LRMDA: variants seen among roughly 807,000 people sequenced by gnomAD.
LRMDA encodes leucine-rich melanocyte differentiation-associated protein.
Under a neutral mutation model 29.8 loss-of-function variants are expected in LRMDA, and 18 were observed. The observed-to-expected ratio is 0.60, with a 90% CI of 0.42 to 0.90. The LOEUF is 0.90. Ranked by LOEUF, LRMDA falls within the 40% of genes least tolerant of loss-of-function variation. The pLI is 0.00. For synonymous variants in LRMDA, 125 were observed against 109.4 expected (o/e 1.14, Z -0.89); for missense variants, 273 against 273.9 (o/e 1.00, Z 0.02).
At chr10:75,833,416 T>C (rs767823224) in intron 2 of LRMDA, among the ~76,000 whole-genome samples, 8 of 148,308 alleles carry the variant, frequency 5.4e-5, no homozygotes, top group Non-Finnish European at 1.0e-4. Context: ...ATAAGTAAGA[T>C]TATCAGTGAT....
At chr10:75,878,412 T>G (rs1253906232) in intron 2 of LRMDA, among the ~76,000 whole-genome samples, 2 of 151,670 alleles carry the variant, frequency 1.3e-5, no homozygotes, top group Non-Finnish European at 2.9e-5. Context: ...TCCCCTGGGG[T>G]AGGGCCACCC....
intron 6 of LRMDA, among the ~76,000 whole-genome samples, chr10:76,431,481 G>A (rs1842190292): frequency 6.6e-6 from 1 of 152,084 alleles, no homozygotes; most frequent in African/African-American, 2.4e-5. Flanking sequence ...CAAATTCTGG[G>A]GCTTGAGAAA....
intron 5 of LRMDA, among the ~76,000 whole-genome samples, chr10:76,291,310 T>C (rs540819179): frequency 6.6e-6 from 1 of 152,328 alleles, no homozygotes; most frequent in African/African-American, 2.4e-5. Context: ...ATCTGGGATA[T>C]TGTGATGAAC....
At chr10:75,842,260 G>A (rs1844554116) in intron 2 of LRMDA, among the ~76,000 whole-genome samples, 1 of 152,270 alleles carries the variant, frequency 6.6e-6, no homozygotes. Flanking sequence ...TAAATTCTGT[G>A]CTTCTCATTA....
chr10:75,632,861 A>G (rs1393384127), intron 2 of LRMDA, among the ~76,000 whole-genome samples: 4 of 133,446 alleles, frequency 3.0e-5, no homozygotes, highest in East Asian at 2.2e-4. Flanking sequence ...GTCTGCCCCA[A>G]GATGTCTGGT....
intron 5 of LRMDA, among the ~76,000 whole-genome samples, chr10:76,254,304 C>CTATA (rs1376509932): frequency 0.013 from 1,750 of 139,738 alleles, 45 homozygotes; most frequent in African/African-American, 0.051. Flanking sequence ...CTATACTATA[C>CTATA]CATACCATAC....
intron 6 of LRMDA, among the ~76,000 whole-genome samples, chr10:76,457,738 C>T (rs1195809555): frequency 2.0e-5 from 3 of 152,046 alleles, no homozygotes; most frequent in Non-Finnish European, 4.4e-5. Flanking sequence ...ATAGAAACAA[C>T]AAGGTTACGT....
chr10:76,134,214 G>T (rs1043942502), intron 5 of LRMDA, among the ~76,000 whole-genome samples: 5 of 152,206 alleles, frequency 3.3e-5, no homozygotes, highest in African/African-American at 1.2e-4. Context: ...AGAATTTCGG[G>T]GGGAGCTGCC....
intron 6 of LRMDA, among the ~76,000 whole-genome samples, chr10:76,464,379 G>A (rs1400458838): frequency 2.0e-5 from 3 of 152,150 alleles, no homozygotes; most frequent in Non-Finnish European, 4.4e-5. Context: ...AGTGGCGAGA[G>A]ACTAGAATGG....
At chr10:75,771,321 C>A (rs1264114423) in intron 2 of LRMDA, among the ~76,000 whole-genome samples, 1 of 151,474 alleles carries the variant, frequency 6.6e-6, no homozygotes, top group African/African-American at 2.4e-5. Flanking sequence ...GCCAAGAGTT[C>A]TTTAACACCT....
chr10:76,358,281 A>G (rs1201774379), intron 6 of LRMDA, among the ~76,000 whole-genome samples: 3 of 152,234 alleles, frequency 2.0e-5, no homozygotes, highest in African/African-American at 7.2e-5. Context: ...TCTTTTGGAA[A>G]TAACATGATT....
At chr10:76,512,516 A>C (rs1442264723) in intron 6 of LRMDA, among the ~76,000 whole-genome samples, 1 of 152,222 alleles carries the variant, frequency 6.6e-6, no homozygotes, top group East Asian at 1.9e-4. Context: ...AGGCAACAGA[A>C]TATGCCTGTA....
chr10:75,557,811 T>C (rs534878499), intron 2 of LRMDA, among the ~76,000 whole-genome samples: 4 of 152,320 alleles, frequency 2.6e-5, no homozygotes, highest in East Asian at 1.9e-4. Flanking sequence ...AGCTAGATAA[T>C]GTATACAGCT....
rs1444545218 is a variant in LRMDA at position 75,937,933 on chromosome 10, C to T, written c.132-98075C>T. Among the ~76,000 whole-genome samples, 8 of 152,054 alleles carry T rather than the reference C, an allele frequency of 5.3e-5. No individual in the cohort carries two copies. In the East Asian group the frequency reaches 1.3e-3, roughly 26 times the overall value. On this transcript the variant is annotated intron_variant, in intron 2 of 6. Coordinates refer to ENST00000611255, the MANE Select transcript of LRMDA (RefSeq NM_001305581.2). ...TCTTTTAGCTGTCTGTCTATTGGGG[C>T]GATTAATTGCAGTGTCATTAAAGTT...
chr10:76,554,591 A>G (rs772623796), intron 6 of LRMDA, among the ~76,000 whole-genome samples: 1 of 152,210 alleles, frequency 6.6e-6, no homozygotes, highest in Non-Finnish European at 1.5e-5. Flanking sequence ...GGATGTCTAT[A>G]AACATTCTTG....
chr10:75,856,906 A>G (rs1428241278), intron 2 of LRMDA, among the ~76,000 whole-genome samples: 1 of 152,224 alleles, frequency 6.6e-6, no homozygotes, highest in Non-Finnish European at 1.5e-5. Flanking sequence ...CTGTTTGCAG[A>G]TGACATGATT....
chr10:76,525,780 CTG>C (rs1843169106), intron 6 of LRMDA, among the ~76,000 whole-genome samples: 1 of 152,110 alleles, frequency 6.6e-6, no homozygotes, highest in Non-Finnish European at 1.5e-5. Flanking sequence ...GAGGCAAAAA[CTG>C]ATGTCAAGAG....
chr10:76,050,479 C>G (rs918151746), intron 4 of LRMDA, among the ~76,000 whole-genome samples: 2 of 152,234 alleles, frequency 1.3e-5, no homozygotes, highest in South Asian at 4.1e-4. Flanking sequence ...TGGGGTTTCT[C>G]TTTGCCATTC....
At chr10:75,914,689 CTT>C (rs1429321996) in intron 2 of LRMDA, among the ~76,000 whole-genome samples, 1 of 152,186 alleles carries the variant, frequency 6.6e-6, no homozygotes, top group African/African-American at 2.4e-5. Context: ...TAACCTCTCT[CTT>C]ATCCTTCTTC....
Sources: gnomAD v4.1 joint callset for allele counts (sites outside exome capture counted in the v4.1 genomes callset) on GRCh38, gnomAD v4.1.1 for gene constraint, MANE v1.5 for transcripts, NCBI Gene and HGNC (gene_info 2026-07-23, HGNC 2026-07-21) for gene names.